Variants in MAP2 observed in about 807,000 individuals in gnomAD.
MAP2 encodes microtubule-associated protein 2.
Under a neutral mutation model 137.6 loss-of-function variants are expected in MAP2, and 14 were observed. The ratio of observed to expected loss-of-function variants is 0.10; its 90% CI spans 0.07 to 0.16. MAP2 has a LOEUF of 0.16. Ranked by LOEUF, MAP2 falls within the 10% of genes least tolerant of loss-of-function variation. MAP2 has a pLI of 1.00. For synonymous variants in MAP2, 786 were observed against 782.3 expected (o/e 1.00, Z -0.08); for missense variants, 2,088 against 2,191.5 (o/e 0.95, Z 0.94).
chr2:209,494,517 T>TA (rs1384662536), intron 1 of MAP2, among the ~76,000 whole-genome samples: 1 of 151,836 alleles, frequency 6.6e-6, no homozygotes, highest in East Asian at 1.9e-4. Flanking sequence ...GCTATAGTCC[T>TA]ACCAGCGCCA....
intron 1 of MAP2, among the ~76,000 whole-genome samples, chr2:209,487,953 T>C (rs960473294): frequency 6.6e-6 from 1 of 152,218 alleles, no homozygotes; most frequent in African/African-American, 2.4e-5. Context: ...TTTGAGGTAA[T>C]GACAACAAGT....
intron 3 of MAP2, among the ~76,000 whole-genome samples, chr2:209,580,601 T>C (rs906096878): frequency 2.0e-5 from 3 of 152,218 alleles, no homozygotes; most frequent in Non-Finnish European, 2.9e-5. Flanking sequence ...AACTTCTTTA[T>C]TGACATTTCA....
rs1046095859 is a variant in MAP2, at chr2:209,464,946, G to T, written c.-222+40670G>T. 2.0e-5 allele frequency among the ~76,000 whole-genome samples: 3 copies of T among 152,060 alleles called. No individual in the cohort carries two copies. The East Asian group carries it at 5.8e-4, about 29-fold the overall frequency. Reference sequence around the variant, plus strand: ...CACATCCAGATAATTATAATTGTGTGTGTAAATATATACTGTTCTGTATCT... The same window carrying T: ...CACATCCAGATAATTATAATTGTGTTTGTAAATATATACTGTTCTGTATCT... On this transcript the variant is annotated intron_variant, in intron 1 of 15. Coordinates refer to ENST00000682079, the MANE Select transcript of MAP2 (RefSeq NM_001375505.1).
chr2:209,563,241 T>C (rs1005247658), intron 2 of MAP2, among the ~76,000 whole-genome samples: 2 of 152,190 alleles, frequency 1.3e-5, no homozygotes, highest in African/African-American at 4.8e-5. Flanking sequence ...TCCTGTGTCC[T>C]AGTCTGATCA....
At chr2:209,640,562 A>T (rs186087106) in intron 4 of MAP2, among the ~76,000 whole-genome samples, 61 of 152,068 alleles carry the variant, frequency 4.0e-4, no homozygotes, top group Admixed American at 4.0e-3. Context: ...CAAAAAAAAA[A>T]AAATACTATG....
intron 5 of MAP2, among the ~76,000 whole-genome samples, chr2:209,655,621 T>C (rs1272390129): frequency 6.6e-6 from 1 of 152,244 alleles, no homozygotes; most frequent in Admixed American, 6.5e-5. Context: ...AAACAAATGC[T>C]CTTAAATCCC....
At chr2:209,715,805 C>CA (rs1290183215) in intron 13 of MAP2, among the ~76,000 whole-genome samples, 3 of 152,210 alleles carry the variant, frequency 2.0e-5, no homozygotes, top group Admixed American at 6.5e-5. Context: ...TGACTGATGC[C>CA]ACATACATCT....
chr2:209,692,676 C>T lies in MAP2; in HGVS notation c.506C>T (p.Pro169Leu), dbSNP rs771855473. ...MEFHDQQELT[P>L]STAEPSDQKE... Reference sequence around the variant, plus strand: ...TTCCACGATCAACAGGAATTGACTCCCTCTACAGCTGAGCCTTCAGACCAG... The same window carrying T: ...TTCCACGATCAACAGGAATTGACTCTCTCTACAGCTGAGCCTTCAGACCAG... Residue 169 changes from proline (P) to leucine (L), a missense_variant, in exon 8 of 16, where the codon CCC becomes CTC. Physicochemically the swap from Pro to Leu is moderately conservative, Grantham distance 98. Coordinates refer to ENST00000682079, the MANE Select transcript of MAP2 (RefSeq NM_001375505.1). 6 of 1,604,356 alleles carry T rather than the reference C, an allele frequency of 3.7e-6. No homozygotes were observed. Among genetic ancestry groups the T allele is most frequent in the South Asian group, 1.1e-5 (1 of 88,920 alleles).
At chr2:209,456,031 A>C (rs1263695911) in intron 1 of MAP2, among the ~76,000 whole-genome samples, 2 of 152,212 alleles carry the variant, frequency 1.3e-5, no homozygotes, top group Non-Finnish European at 2.9e-5. Context: ...ACTCAAGGTC[A>C]AAACCTCTGC....
At chr2:209,433,083 A>G (rs1280889909) in intron 1 of MAP2, among the ~76,000 whole-genome samples, 1 of 152,158 alleles carries the variant, frequency 6.6e-6, no homozygotes, top group Non-Finnish European at 1.5e-5. Context: ...GGTTCCTAAT[A>G]TTTAGTAGGC....
At chr2:209,566,253 T>C (rs771671990) in intron 2 of MAP2, among the ~76,000 whole-genome samples, 7 of 152,214 alleles carry the variant, frequency 4.6e-5, no homozygotes, top group Non-Finnish European at 1.0e-4. Flanking sequence ...GGACTTGCTG[T>C]ATCTAGCAAA....
chr2:209,487,211 C>T (rs1280119299), intron 1 of MAP2, among the ~76,000 whole-genome samples: 1 of 152,170 alleles, frequency 6.6e-6, no homozygotes, highest in Non-Finnish European at 1.5e-5. Flanking sequence ...CACCTGGACT[C>T]ACCCGAGAGA....
chr2:209,542,079 T>A (rs574816188), intron 2 of MAP2, among the ~76,000 whole-genome samples: 1 of 152,292 alleles, frequency 6.6e-6, no homozygotes, highest in South Asian at 2.1e-4. Context: ...AAATAAGACG[T>A]GAAAGTCAAA....
intron 5 of MAP2, among the ~76,000 whole-genome samples, chr2:209,674,439 T>C (rs960300168): frequency 6.6e-6 from 1 of 151,830 alleles, no homozygotes; most frequent in Admixed American, 6.6e-5. Flanking sequence ...ACTAAAATTA[T>C]TTCCATTTTA....
At chr2:209,514,767 G>A (rs980626613) in intron 2 of MAP2, among the ~76,000 whole-genome samples, 2 of 152,022 alleles carry the variant, frequency 1.3e-5, no homozygotes, top group African/African-American at 4.8e-5. Context: ...ATAAATCAAC[G>A]TGAGACTTGT....
intron 1 of MAP2, among the ~76,000 whole-genome samples, chr2:209,466,864 G>T (rs1250532518): frequency 6.6e-6 from 1 of 152,166 alleles, no homozygotes; most frequent in Non-Finnish European, 1.5e-5. Context: ...GCTCTCACTG[G>T]ATGAGAGGGA....
At chr2:209,536,522 C>CA (rs2065970418) in intron 2 of MAP2, among the ~76,000 whole-genome samples, 1 of 152,202 alleles carries the variant, frequency 6.6e-6, no homozygotes, top group South Asian at 2.1e-4. Context: ...CTGCCCTCCA[C>CA]ACACCACGCA....
At chr2:209,528,584 T>C (rs1255955236) in intron 2 of MAP2, among the ~76,000 whole-genome samples, 2 of 152,044 alleles carry the variant, frequency 1.3e-5, no homozygotes, top group African/African-American at 4.8e-5. Flanking sequence ...CAGTTCAGCC[T>C]TTTGAATGCT....
In MAP2 at chr2:209,693,616, A is replaced by C; in HGVS notation, c.1446A>C (p.Ser482=). Residue 482 remains serine (S), a synonymous_variant, in exon 8 of 16, where the codon TCA becomes TCC. Transcript: ENST00000682079. ...AGACCTCCACAGAGCACACTTTCTC[A>C]GAACAGAAAGACCAAGAGCCTACCA... ...IIQTSTEHTF[S]EQKDQEPTTD... 1 of 1,613,956 alleles carries C rather than the reference A, an allele frequency of 6.2e-7. No individual in the cohort carries two copies. Among genetic ancestry groups the C allele is most frequent in the Non-Finnish European group, 8.5e-7 (1 of 1,179,982 alleles).
Sources: gnomAD v4.1 joint callset for allele counts (sites outside exome capture counted in the v4.1 genomes callset) on GRCh38, gnomAD v4.1.1 for gene constraint, MANE v1.5 for transcripts, NCBI Gene and HGNC (gene_info 2026-07-23, HGNC 2026-07-21) for gene names.